MYH15: variants seen among roughly 807,000 people sequenced by gnomAD.
MYH15 encodes the protein myosin-15.
In MYH15, 227 loss-of-function variants were observed where a neutral mutation model predicts 240.5. That is an observed-to-expected ratio of 0.94 (90% CI 0.85 to 1.05). The LOEUF (loss-of-function observed/expected upper bound fraction) is 1.05. Ranked by LOEUF, MYH15 falls within the 50% of genes least tolerant of loss-of-function variation. MYH15 has a pLI of 0.00. For synonymous variants in MYH15, 785 were observed against 796.7 expected, an observed-to-expected ratio of 0.99 and a Z score of 0.25; for missense variants, 2,217 against 2,247.5, an observed-to-expected ratio of 0.99 and a Z score of 0.27.
upstream of MYH15, among the ~76,000 whole-genome samples, chr3:108,532,220 G>A (rs927496842): frequency 6.6e-6 from 1 of 151,842 alleles, no homozygotes; most frequent in Non-Finnish European, 1.5e-5. Context: ...CATTATTCTC[G>A]GTGTGTCTGT....
chr3:108,423,009 AC>A (rs1380442628), intron 27 of MYH15, among the ~76,000 whole-genome samples: 1 of 152,202 alleles, frequency 6.6e-6, no homozygotes, highest in African/African-American at 2.4e-5. Context: ...GTCCCCGGCC[AC>A]AAAAAATCAG....
chr3:108,433,833 GT>G (rs1201850695), intron 25 of MYH15, among the ~76,000 whole-genome samples: 1 of 152,062 alleles, frequency 6.6e-6, no homozygotes, highest in African/African-American at 2.4e-5. Flanking sequence ...CCAATCTTGG[GT>G]ATGTCTTTAT....
At chr3:108,416,720 A>G in intron 29 of MYH15, 92 bp downstream of exon 29, 1 of 1,096,322 alleles carries the variant, frequency 9.1e-7, no homozygotes, top group South Asian at 1.5e-5. Context: ...TTCTTCTTTT[A>G]CAAAACATCT....
upstream of MYH15, among the ~76,000 whole-genome samples, chr3:108,531,560 C>T (rs1029749780): frequency 2.6e-5 from 4 of 151,948 alleles, no homozygotes; most frequent in South Asian, 4.2e-4. Context: ...AGGCAGATCA[C>T]GAGGTCAGGA....
chr3:108,403,957 G>T (rs1332174334), intron 33 of MYH15, among the ~76,000 whole-genome samples: 1 of 150,362 alleles, frequency 6.7e-6, no homozygotes, highest in Non-Finnish European at 1.5e-5. Flanking sequence ...GCACAGGTCT[G>T]ATATTACTTG....
intron 1 of MYH15, among the ~76,000 whole-genome samples, chr3:108,523,927 T>G (rs1412236292): frequency 6.6e-6 from 1 of 151,984 alleles, no homozygotes; most frequent in Non-Finnish European, 1.5e-5. Context: ...ATATTTCACA[T>G]CATACCATAT....
At chr3:108,451,230 T>C (rs1162952040) in intron 21 of MYH15, among the ~76,000 whole-genome samples, 1 of 151,780 alleles carries the variant, frequency 6.6e-6, no homozygotes, top group African/African-American at 2.4e-5. Flanking sequence ...AAATATAACA[T>C]TTAGCCAGGT....
intron 1 of MYH15, among the ~76,000 whole-genome samples, chr3:108,520,942 C>T (rs1401777396): frequency 6.6e-6 from 1 of 151,978 alleles, no homozygotes; most frequent in Non-Finnish European, 1.5e-5. Context: ...TCATAACAAC[C>T]TTGTAAGATA....
chr3:108,499,529 A>C (rs1401538472), intron 4 of MYH15, 47 bp from the exon 5 acceptor site: 2 of 1,568,730 alleles, frequency 1.3e-6, no homozygotes, highest in South Asian at 2.3e-5. Context: ...TTCGATATTT[A>C]TGTATTAGTA....
At chr3:108,414,102 T>G in intron 30 of MYH15, 130 bp downstream of exon 30, 1 of 931,170 alleles carries the variant, frequency 1.1e-6, no homozygotes, top group Non-Finnish European at 1.6e-6. Flanking sequence ...TCAGCTTTGG[T>G]TTTGGGCTTG....
At chr3:108,439,627 C>G (rs1043685340) in intron 24 of MYH15, 110 bp downstream of exon 24, 1 of 991,728 alleles carries the variant, frequency 1.0e-6, no homozygotes, top group Middle Eastern at 2.6e-4. Context: ...GGAAAACAAA[C>G]TATGCTACTA....
chr3:108,546,953 A>AT, the MYH15 span, among the ~76,000 whole-genome samples: 1 of 152,120 alleles, frequency 6.6e-6, no homozygotes, highest in African/African-American at 2.4e-5. Context: ...ATAAACCATG[A>AT]TTTTTTGAGT....
chr3:108,542,181 A>G, the MYH15 span, among the ~76,000 whole-genome samples: 1 of 152,096 alleles, frequency 6.6e-6, no homozygotes, highest in African/African-American at 2.4e-5. Context: ...GTGTCCATTG[A>G]GTCCCCTGGC....
chr3:108,544,755 T>C, the MYH15 span, among the ~76,000 whole-genome samples: 1 of 152,166 alleles, frequency 6.6e-6, no homozygotes, highest in Non-Finnish European at 1.5e-5. Context: ...TAATTAAAGG[T>C]TTGTATTTTC....
rs2083357993 is a variant in MYH15, at chr3:108,492,501, A to C, written c.870T>G (p.His290Gln). ...YQILSGQKELHDLLLVSANPS... is the reference protein window; with the variant it reads ...YQILSGQKELQDLLLVSANPS... The stretch of plus-strand genomic sequence containing the variant: ...TAAGCTCCAGAATCCTACACTTACC[A>C]TGAAGCTCTTTTTGTCCAGATAGAA... Residue 290 changes from histidine to glutamine, a missense_variant and splice_region_variant, in exon 9 of 41, where the codon CAT becomes CAG. Transcript: ENST00000693548. 6.2e-7 allele frequency: 1 copy of C among 1,606,494 alleles called. No individual in the cohort carries two copies. Among genetic ancestry groups the C allele is most frequent in the African/African-American group, 1.3e-5 (1 of 74,880 alleles).
intron 33 of MYH15, among the ~76,000 whole-genome samples, chr3:108,401,916 C>A (rs1023373846): frequency 1.3e-5 from 2 of 152,054 alleles, no homozygotes; most frequent in Non-Finnish European, 2.9e-5. Context: ...CATTCAGGAC[C>A]AAGGGCAATA....
chr3:108,382,634 A>G (rs781548155), intron 40 of MYH15, among the ~76,000 whole-genome samples: 22 of 152,190 alleles, frequency 1.4e-4, no homozygotes, highest in Non-Finnish European at 2.6e-4. Context: ...ATGGAGTCCA[A>G]GAGGGAAGAC....
rs752868848 is a variant in MYH15, at chr3:108,510,550, CA to C, written c.-21del. On this transcript the variant is annotated 5_prime_UTR_variant, in exon 1 of 41. Coordinates refer to ENST00000693548, the MANE Select transcript of MYH15 (RefSeq NM_014981.3). ...ATCCATCTTTATTAAAGCAATCCACCAAAAAAAGGCCCTAAACGTGAGTAGG... is the reference window on the plus strand; with the variant it reads ...ATCCATCTTTATTAAAGCAATCCACCAAAAAAGGCCCTAAACGTGAGTAGG... 5 of 1,603,340 alleles carry C rather than the reference CA, an allele frequency of 3.1e-6. No homozygotes were observed. The South Asian group carries it at 3.3e-5, about 11-fold the overall frequency.
intron 21 of MYH15, among the ~76,000 whole-genome samples, chr3:108,449,027 T>A (rs1273138779): frequency 6.6e-6 from 1 of 151,876 alleles, no homozygotes; most frequent in Non-Finnish European, 1.5e-5. Context: ...TAGATAAGAA[T>A]AAATCTTACC....
Sources: gnomAD v4.1 joint callset for allele counts (sites outside exome capture counted in the v4.1 genomes callset) on GRCh38, gnomAD v4.1.1 for gene constraint, MANE v1.5 for transcripts, NCBI Gene and HGNC (gene_info 2026-07-23, HGNC 2026-07-21) for gene names.